Variants in SAMD14 observed in about 807,000 individuals in gnomAD.
The protein encoded by SAMD14 is sterile alpha motif domain-containing protein 14.
In SAMD14, 27 loss-of-function variants were observed where a neutral mutation model predicts 46.2. The observed-to-expected ratio is 0.58, with a 90% CI of 0.43 to 0.81. The LOEUF is 0.81. Among genes scored for constraint, SAMD14 ranks in the 30% least tolerant of loss-of-function variants. The pLI, the probability that SAMD14 is intolerant of heterozygous loss-of-function variation, is 0.00. For missense variants in SAMD14, 559 were observed against 582.2 expected, an observed-to-expected ratio of 0.96 and a Z score of 0.41; for synonymous variants, 241 against 254.3, an observed-to-expected ratio of 0.95 and a Z score of 0.50.
intron 2 of SAMD14, among the ~76,000 whole-genome samples, chr17:50,120,295 G>A (rs1325105059): frequency 1.3e-5 from 2 of 152,068 alleles, no homozygotes; most frequent in Non-Finnish European, 2.9e-5. Context: ...TACATATGGA[G>A]AGAAAGGGAG....
intron 1 of SAMD14, 128 bp from the exon 2 acceptor site, chr17:50,125,099 C>A (rs1911705205): frequency 3.9e-6 from 3 of 776,954 alleles, no homozygotes; most frequent in East Asian, 2.6e-5. Flanking sequence ...ACCTTAGAAC[C>A]CTTCTTCTGT....
intron 8 of SAMD14, 44 bp downstream of exon 8, chr17:50,114,143 C>T (rs1483619674): frequency 6.2e-7 from 1 of 1,613,926 alleles, no homozygotes; most frequent in African/African-American, 1.3e-5. Context: ...CTTGCAGAGT[C>T]AGAGGTCAGG....
chr17:50,116,505 A>G (rs1241314527), intron 4 of SAMD14, among the ~76,000 whole-genome samples: 1 of 149,936 alleles, frequency 6.7e-6, no homozygotes, highest in East Asian at 2.0e-4. Flanking sequence ...TCCCGGGTTC[A>G]AGCAATTCTC....
chr17:50,113,613 A>G (rs1363347549), intron 9 of SAMD14: 2 of 390,428 alleles, frequency 5.1e-6, no homozygotes, highest in Non-Finnish European at 9.5e-6. Flanking sequence ...CCATGATACC[A>G]GGACACTCAT....
intron 2 of SAMD14, among the ~76,000 whole-genome samples, chr17:50,120,558 C>T (rs1180975348): frequency 6.6e-6 from 1 of 152,204 alleles, no homozygotes. Context: ...TATCACTCCC[C>T]TGTTCAGAAC....
chr17:50,124,771 G>GCGCGCGCGCA (rs71353620), intron 2 of SAMD14, 146 bp downstream of exon 2: 79 of 569,652 alleles, frequency 1.4e-4, no homozygotes, highest in South Asian at 3.2e-4. Flanking sequence ...ACGCGCGCGC[G>GCGCGCGCGCA]CACACACACA....
chr17:50,122,180 C>T (rs894309135), intron 2 of SAMD14, among the ~76,000 whole-genome samples: 11 of 152,334 alleles, frequency 7.2e-5, no homozygotes, highest in Admixed American at 4.6e-4. Context: ...GTCTGACAGC[C>T]GCACCACACT....
At chr17:50,118,086 T>A in intron 3 of SAMD14, 75 bp downstream of exon 3, 1 of 1,433,566 alleles carries the variant, frequency 7.0e-7, no homozygotes, top group Non-Finnish European at 9.3e-7. Context: ...AAGAGCACTC[T>A]GGAGAGATTA....
At chr17:50,118,034 C>T (rs1598227250) in intron 3 of SAMD14, 127 bp downstream of exon 3, 2 of 1,010,562 alleles carry the variant, frequency 2.0e-6, no homozygotes, top group East Asian at 5.3e-5. Context: ...TAACACTTGG[C>T]AGCATTACTA....
chr17:50,113,743 CAAAAG>C, intron 9 of SAMD14, 176 bp downstream of exon 9: 1 of 646,414 alleles, frequency 1.5e-6, no homozygotes, highest in South Asian at 2.0e-5. Flanking sequence ...TGCTACAACT[CAAAAG>C]ATTAGACCAA....
rs555523182 is a variant in SAMD14 at position 50,112,881 on chromosome 17, G to C, written c.*12C>G. On this transcript the variant is annotated 3_prime_UTR_variant, in exon 10 of 10. Transcript: ENST00000330175. Reference sequence around the variant, plus strand: ...CTGCCCCTGCCGGGTGCCAGCGCCTGTGCACCCTCCCCTAGCTCTTCTTGG... The same window carrying C: ...CTGCCCCTGCCGGGTGCCAGCGCCTCTGCACCCTCCCCTAGCTCTTCTTGG... 1.1e-5 allele frequency: 17 copies of C among 1,600,262 alleles called. 1 individual carries two copies. Among genetic ancestry groups the C allele is most frequent in the Middle Eastern group, 1.8e-4 (1 of 5,628 alleles).
At chr17:50,113,902 T>C (rs1416406650) in intron 9 of SAMD14, 22 bp downstream of exon 9, 2 of 1,613,440 alleles carry the variant, frequency 1.2e-6, no homozygotes, top group Non-Finnish European at 1.7e-6. Flanking sequence ...GGCTGGGTCA[T>C]GGCCCTTCCA....
Position 50,110,076 on chromosome 17 carries a change from G to T in SAMD14, c.*2817C>A, listed in dbSNP as rs760121579. On this transcript the variant is annotated 3_prime_UTR_variant, in exon 10 of 10. Coordinates refer to ENST00000330175, the MANE Select transcript of SAMD14 (RefSeq NM_001257359.2). ...TGCCCAGCACGGAGCCCAAGAACACGTCCACGTACCGCGTCAGCTAAGGGC... is the reference window on the plus strand; with the variant it reads ...TGCCCAGCACGGAGCCCAAGAACACTTCCACGTACCGCGTCAGCTAAGGGC... The T allele has an allele frequency of 1.2e-6, 2 of 1,609,664 alleles. No individual in the cohort carries two copies. Among genetic ancestry groups the T allele is most frequent in the Admixed American group, 1.7e-5 (1 of 59,722 alleles).
chr17:50,115,416 G>C lies in SAMD14; in HGVS notation c.822+148C>G. On this transcript the variant is annotated intron_variant, in intron 7 of 9. Transcript: ENST00000330175. The surrounding 1 kb of genome is among the most constrained non-coding windows in gnomAD (Gnocchi z 5.3). Reference sequence around the variant, plus strand: ...GAGTGAACGAATGAATTCAGAGAATGCATGAAGTAACGGATCACTGCATGG... The same window carrying C: ...GAGTGAACGAATGAATTCAGAGAATCCATGAAGTAACGGATCACTGCATGG... The C allele has an allele frequency of 1.4e-6, 1 of 729,326 alleles. No individual in the cohort carries two copies. Among genetic ancestry groups the C allele is most frequent in the Non-Finnish European group, 2.1e-6 (1 of 468,070 alleles). 45.2% of individuals were successfully genotyped at this position (729,326 alleles called of 1,614,324 possible). A position where few individuals can be genotyped will look rare whatever the true frequency, so the allele number is the denominator to read the frequency against.
At chr17:50,128,482 TCACA>T (rs34869142) in intron 1 of SAMD14, among the ~76,000 whole-genome samples, 1,902 of 135,862 alleles carry the variant, frequency 0.014, 20 homozygotes, top group East Asian at 0.061. Context: ...GCACACTCTC[TCACA>T]CACACACACA....
Position 50,117,555 on chromosome 17 carries a change from C to T in SAMD14, c.351G>A (p.Ser117=), listed in dbSNP as rs752519122. 3.9e-6 allele frequency: 6 copies of T among 1,552,028 alleles called. No homozygotes were observed. In the African/African-American group the frequency reaches 8.4e-5, roughly 22 times the overall value. The part of the protein sequence containing the change: ...RSLDEDEPPP[S]PLTRYRPLHN... ...GCAGGGGCCGGTAGCGTGTGAGCGG[C>T]GAGGGCGGCGGCTCGTCCTCGTCCA... is the stretch of plus-strand genomic sequence containing the variant. Residue 117 remains serine (S), a synonymous_variant, in exon 4 of 10, where the codon TCG becomes TCA. Transcript: ENST00000330175.
intron 9 of SAMD14, chr17:50,113,711 T>C (rs760555986): frequency 2.7e-5 from 16 of 589,984 alleles, no homozygotes; most frequent in Non-Finnish European, 4.2e-5. Flanking sequence ...GGACTAGAGT[T>C]TCAAGTCAAA....
chr17:50,117,392 C>A lies in SAMD14; in HGVS notation c.499+15G>T. The stretch of plus-strand genomic sequence containing the variant: ...GGAGCGACCAGCAGGAGGTGCGGCG[C>A]TGGCCGCCTCTCACCTTCGCTGTGC... On this transcript the variant is annotated intron_variant, in intron 4 of 9. Coordinates refer to ENST00000330175, the MANE Select transcript of SAMD14 (RefSeq NM_001257359.2). 7.7e-7 allele frequency: 1 copy of A among 1,295,600 alleles called. No individual in the cohort carries two copies. Among genetic ancestry groups the A allele is most frequent in the Admixed American group, 4.2e-5 (1 of 23,894 alleles). 80.3% of individuals were successfully genotyped at this position (1,295,600 alleles called of 1,614,324 possible).
Position 50,112,840 on chromosome 17 carries a change from C to A in SAMD14, c.*53G>T. The A allele has an allele frequency of 6.4e-7, 1 of 1,566,752 alleles. No homozygotes were observed. Among genetic ancestry groups the A allele is most frequent in the Admixed American group, 1.8e-5 (1 of 55,994 alleles). ...TCCAGCCTCCCTGGTGAGGCCTGTG[C>A]CCGCGGAGCCAGTGGCTGCCCCTGC... On this transcript the variant is annotated 3_prime_UTR_variant, in exon 10 of 10. Coordinates refer to ENST00000330175, the MANE Select transcript of SAMD14 (RefSeq NM_001257359.2).
Sources: allele counts gnomAD v4.1 joint callset (sites outside exome capture counted in the v4.1 genomes callset), GRCh38; gene constraint gnomAD v4.1.1; non-coding constraint Gnocchi (gnomAD v3.1); transcripts MANE v1.5; gene names NCBI Gene and HGNC (gene_info 2026-07-23, HGNC 2026-07-21).